The following UBE2E2 variants were observed in gnomAD, a reference collection of about 807,000 sequenced individuals.
UBE2E2 encodes ubiquitin conjugating enzyme E2 E2, also known as ubiquitin-conjugating enzyme E2 E2.
In UBE2E2, 6 loss-of-function variants were observed where a neutral mutation model predicts 24.7. The observed-to-expected ratio is 0.24, with a 90% CI of 0.13 to 0.48. The LOEUF (loss-of-function observed/expected upper bound fraction) is 0.48. Among genes scored for constraint, UBE2E2 ranks in the 20% least tolerant of loss-of-function variants. The probability of loss-of-function intolerance (pLI) is 0.99; values close to 1 mark genes in which losing one functional copy is unlikely to be tolerated. For synonymous variants in UBE2E2, 104 were observed against 83.6 expected (o/e 1.24, Z -1.33); for missense variants, 169 against 245.0 (o/e 0.69, Z 2.07).
chr3:23,577,588 A>T (rs1239710199), intron 5 of UBE2E2, among the ~76,000 whole-genome samples: 1 of 152,224 alleles, frequency 6.6e-6, no homozygotes, highest in Non-Finnish European at 1.5e-5. Context: ...TGACCAAGGA[A>T]CAAGGCAGGT....
intron 3 of UBE2E2, among the ~76,000 whole-genome samples, chr3:23,490,228 A>T (rs1699467873): frequency 6.6e-6 from 1 of 152,104 alleles, no homozygotes; most frequent in South Asian, 2.1e-4. Flanking sequence ...ATTTCTAACA[A>T]CCTATGTATA....
rs575503798 is a variant in UBE2E2 at position 23,351,959 on chromosome 3, G to C, written c.227+134647G>C. Among the ~76,000 whole-genome samples the C allele has an allele frequency of 7.9e-5, 12 of 152,040 alleles. No homozygotes were observed. The South Asian group carries it at 1.0e-3, about 13-fold the overall frequency. ...TTTTCAGCACCACACCACACCTATT[G>C]CAAAATTGACCACATAATTGGAAGT... On this transcript the variant is annotated intron_variant, in intron 3 of 5. Coordinates refer to ENST00000396703, the MANE Select transcript of UBE2E2 (RefSeq NM_152653.4).
At position 23,589,610 on chromosome 3, in the gene UBE2E2, A is replaced by G. The variant is rs1174177509; in HGVS notation, c.509-124A>G. 5 of 900,826 alleles carry G rather than the reference A, an allele frequency of 5.6e-6. No individual in the cohort carries two copies. The highest frequency in any genetic ancestry group is 5.2e-5 in the East Asian group (2 of 38,376). 55.8% of individuals were successfully genotyped at this position (900,826 alleles called of 1,614,324 possible). ...GCAGGTGACTGGCTCAGCCGCAGCA[A>G]TGGTGGTCCAGGTTAGAACAGCAGC... On this transcript the variant is annotated intron_variant, in intron 5 of 5. Coordinates refer to ENST00000396703, the MANE Select transcript of UBE2E2 (RefSeq NM_152653.4). This position sits in a 1 kb window ranked among gnomAD's most constrained non-coding sequence, Gnocchi z 4.1.
intron 3 of UBE2E2, among the ~76,000 whole-genome samples, chr3:23,236,470 G>A (rs17401836): frequency 0.17 from 25,088 of 150,194 alleles, 2,207 homozygotes; most frequent in South Asian, 0.23. Flanking sequence ...ATGCTTTTGA[G>A]GATTCTTAGG....
At chr3:23,554,842 C>T (rs529831049) in intron 5 of UBE2E2, among the ~76,000 whole-genome samples, 3 of 151,556 alleles carry the variant, frequency 2.0e-5, no homozygotes, top group Non-Finnish European at 4.4e-5. Flanking sequence ...GGGTTAATAC[C>T]CAAAATTTAT....
intron 3 of UBE2E2, among the ~76,000 whole-genome samples, chr3:23,238,107 A>G (rs1025164477): frequency 6.6e-6 from 1 of 152,174 alleles, no homozygotes; most frequent in Admixed American, 6.6e-5. Flanking sequence ...ACTTTAGTTT[A>G]TAATCTTTAT....
At chr3:23,428,078 A>G (rs1697969872) in intron 3 of UBE2E2, among the ~76,000 whole-genome samples, 1 of 152,200 alleles carries the variant, frequency 6.6e-6, no homozygotes, top group South Asian at 2.1e-4. Flanking sequence ...ATATAATTGA[A>G]ATCCGTTTAC....
chr3:23,587,591 C>T (rs1189708616), intron 5 of UBE2E2, among the ~76,000 whole-genome samples: 2 of 152,124 alleles, frequency 1.3e-5, no homozygotes, highest in African/African-American at 4.8e-5. Flanking sequence ...TTCTAGAATG[C>T]CAGGAATCAG....
chr3:23,517,530 C>T (rs531144613), intron 4 of UBE2E2, among the ~76,000 whole-genome samples: 2 of 152,204 alleles, frequency 1.3e-5, no homozygotes, highest in East Asian at 3.9e-4. Flanking sequence ...TGTAAATATT[C>T]TGTGTTTTTC....
intron 3 of UBE2E2, among the ~76,000 whole-genome samples, chr3:23,473,019 C>G (rs1478470996): frequency 1.3e-5 from 2 of 152,000 alleles, no homozygotes; most frequent in African/African-American, 4.8e-5. Context: ...CTTTGTGATA[C>G]TGTGCATTTT....
chr3:23,353,361 A>G (rs1482846420), intron 3 of UBE2E2, among the ~76,000 whole-genome samples: 1 of 152,056 alleles, frequency 6.6e-6, no homozygotes, highest in Non-Finnish European at 1.5e-5. Flanking sequence ...CTCCTATTCA[A>G]CATAGTGTTG....
At chr3:23,561,347 G>T (rs1695924754) in intron 5 of UBE2E2, among the ~76,000 whole-genome samples, 1 of 152,100 alleles carries the variant, frequency 6.6e-6, no homozygotes, top group Non-Finnish European at 1.5e-5. Context: ...CCCATTTCTT[G>T]TTTTTGTCAG....
intron 3 of UBE2E2, among the ~76,000 whole-genome samples, chr3:23,408,741 A>G (rs1575610655): frequency 6.6e-6 from 1 of 152,100 alleles, no homozygotes; most frequent in Non-Finnish European, 1.5e-5. Context: ...TTCACAAAAA[A>G]CTAGCAGAGT....
intron 3 of UBE2E2, among the ~76,000 whole-genome samples, chr3:23,412,201 C>G (rs1209283656): frequency 6.6e-6 from 1 of 151,890 alleles, no homozygotes; most frequent in East Asian, 1.9e-4. Context: ...AAATGTAGAC[C>G]ATAGTCGATG....
chr3:23,242,629 GTTAA>G (rs1004726472), intron 3 of UBE2E2, among the ~76,000 whole-genome samples: 2 of 151,834 alleles, frequency 1.3e-5, no homozygotes, highest in African/African-American at 4.8e-5. Context: ...TGGATATCAG[GTTAA>G]TTGTTATATT....
intron 3 of UBE2E2, among the ~76,000 whole-genome samples, chr3:23,396,303 T>A (rs201119013): frequency 0.017 from 2,174 of 128,006 alleles, 46 homozygotes; most frequent in African/African-American, 0.055. Flanking sequence ...CATTTATTTT[T>A]TATATATATA....
At chr3:23,450,580 T>G (rs1488237227) in intron 3 of UBE2E2, among the ~76,000 whole-genome samples, 1 of 152,202 alleles carries the variant, frequency 6.6e-6, no homozygotes, top group Non-Finnish European at 1.5e-5. Context: ...AAATTAAGAA[T>G]TCTGATATCA....
chr3:23,489,030 T>A (rs974129522), intron 3 of UBE2E2, among the ~76,000 whole-genome samples: 4 of 152,116 alleles, frequency 2.6e-5, no homozygotes, highest in African/African-American at 7.2e-5. Flanking sequence ...CCTTTCTGGT[T>A]TTTTTACTTC....
chr3:23,425,699 G>A (rs60074421), intron 3 of UBE2E2, among the ~76,000 whole-genome samples: 11,212 of 152,124 alleles, frequency 0.074, 531 homozygotes, highest in Non-Finnish European at 0.088. Flanking sequence ...ACAAGCTTGA[G>A]AGTGAAAAAC....
Sources: allele counts gnomAD v4.1 joint callset (sites outside exome capture counted in the v4.1 genomes callset), GRCh38; gene constraint gnomAD v4.1.1; non-coding constraint Gnocchi (gnomAD v3.1); transcripts MANE v1.5; gene names NCBI Gene and HGNC (gene_info 2026-07-23, HGNC 2026-07-21).